MYOM2: variants seen among roughly 807,000 people sequenced by gnomAD.
The protein encoded by MYOM2 is myomesin-2.
Under a neutral mutation model 187.6 loss-of-function variants are expected in MYOM2, and 254 were observed. The observed-to-expected ratio is 1.35, with a 90% CI of 1.22 to 1.50. The LOEUF is 1.50. Among genes scored for constraint, MYOM2 ranks in the 40% most tolerant of loss-of-function variants. MYOM2 has a pLI of 0.00. For missense variants in MYOM2, 2,796 were observed against 1,924.0 expected, an observed-to-expected ratio of 1.45 and a Z score of -8.48; for synonymous variants, 981 against 753.8, an observed-to-expected ratio of 1.30 and a Z score of -4.94.
Position 2,098,850 on chromosome 8 carries a change from T to C in MYOM2, c.2314-7T>C, listed in dbSNP as rs760063523. 2.5e-6 allele frequency: 4 copies of C among 1,606,694 alleles called. No individual in the cohort carries two copies. The South Asian group carries it at 3.3e-5, about 13-fold the overall frequency. ...CTCATGTATTAATTTAAACAAAATC[T>C]GAATAGGTGGACGGCTTGACGGAAG... On this transcript the variant is annotated splice_polypyrimidine_tract_variant and splice_region_variant and intron_variant, in intron 18 of 36. Coordinates refer to ENST00000262113, the MANE Select transcript of MYOM2 (RefSeq NM_003970.4).
chr8:2,102,692 C>G lies in MYOM2; in HGVS notation c.2645C>G (p.Thr882Ser). The change falls in exon 21 of 37, where the codon ACC (threonine) becomes AGC (serine). Residue 882 changes from threonine (T) to serine (S), a missense_variant. Coordinates refer to ENST00000262113, the MANE Select transcript of MYOM2 (RefSeq NM_003970.4). ...LKVSDLQQGK[T>S]YVFRVRAVNA... ...GTCTCTGACCTGCAGCAAGGTAAGA[C>G]CTATGTCTTCAGGGTCCGGGCAGTC... 1.9e-6 allele frequency: 3 copies of G among 1,613,746 alleles called. No homozygotes were observed. Among genetic ancestry groups the G allele is most frequent in the Non-Finnish European group, 2.5e-6 (3 of 1,179,638 alleles).
chr8:2,051,368 G>A (rs1482040593), intron 2 of MYOM2, among the ~76,000 whole-genome samples: 2 of 152,144 alleles, frequency 1.3e-5, no homozygotes, highest in Non-Finnish European at 2.9e-5. Flanking sequence ...TCTTCCGGAA[G>A]CTTCTCGGGG....
At chr8:2,124,807 T>G (rs1797581375) in intron 31 of MYOM2, among the ~76,000 whole-genome samples, 1 of 152,174 alleles carries the variant, frequency 6.6e-6, no homozygotes. Flanking sequence ...AGATGATATC[T>G]CACTGCAGTT....
intron 14 of MYOM2, among the ~76,000 whole-genome samples, chr8:2,086,963 A>G (rs935484483): frequency 7.2e-5 from 11 of 152,238 alleles, no homozygotes; most frequent in Non-Finnish European, 1.6e-4. Flanking sequence ...AATGCATACA[A>G]AGAAATACAA....
intron 13 of MYOM2, among the ~76,000 whole-genome samples, chr8:2,080,799 A>C (rs1249665776): frequency 6.6e-6 from 1 of 152,068 alleles, no homozygotes; most frequent in African/African-American, 2.4e-5. Flanking sequence ...CCCGTGTAGA[A>C]TGAGGTTGGT....
intron 25 of MYOM2, among the ~76,000 whole-genome samples, chr8:2,112,758 A>G (rs1866717): frequency 0.63 from 96,344 of 152,034 alleles, 30,873 homozygotes; most frequent in East Asian, 0.73. Flanking sequence ...AAAGAAGAAC[A>G]TGTGAAAACA....
At chr8:2,060,412 T>C (rs6558592) in intron 6 of MYOM2, among the ~76,000 whole-genome samples, 3,030 of 152,308 alleles carry the variant, frequency 0.02, 113 homozygotes, top group African/African-American at 0.069. Context: ...GTTGTGTTTA[T>C]ATATGTTTAT....
chr8:2,134,079 C>T (rs538478431), intron 32 of MYOM2, among the ~76,000 whole-genome samples: 2 of 148,334 alleles, frequency 1.3e-5, no homozygotes, highest in Admixed American at 6.8e-5. Context: ...CCATCAAAAC[C>T]AGGCGCTGAA....
chr8:2,116,026 G>A lies in MYOM2; in HGVS notation c.3247G>A (p.Glu1083Lys). 1.9e-6 allele frequency: 3 copies of A among 1,614,086 alleles called. No individual in the cohort carries two copies. Among genetic ancestry groups the A allele is most frequent in the Non-Finnish European group, 1.7e-6 (2 of 1,180,016 alleles). ...IEMVMDRFSI[E>K]NEGTYTVQIH... is the part of the protein sequence containing the mutation. ...GATGGTGATGGATCGATTTAGTATT[G>A]AAAATGAGGGGACCTACACTGTGCA... The change falls in exon 26 of 37, where the codon GAA becomes AAA. Residue 1083 changes from glutamate (E) to lysine (K), a missense_variant. Physicochemically the swap from Glu to Lys is moderately conservative, Grantham distance 56. Coordinates refer to ENST00000262113, the MANE Select transcript of MYOM2 (RefSeq NM_003970.4).
intron 15 of MYOM2, 97 bp downstream of exon 15, chr8:2,090,288 T>C: frequency 8.3e-7 from 1 of 1,208,668 alleles, no homozygotes; most frequent in Admixed American, 2.7e-5. Context: ...ATTAATGTTA[T>C]AAACGAGTTG....
Position 2,076,084 on chromosome 8 carries a change from T to G in MYOM2, c.1121-57T>G, listed in dbSNP as rs1324699318. 11 of 1,544,272 alleles carry G rather than the reference T, an allele frequency of 7.1e-6. 1 individual carries two copies. The highest frequency in any genetic ancestry group is 5.4e-5 in the African/African-American group (4 of 73,870). On this transcript the variant is annotated intron_variant, in intron 10 of 36. Transcript: ENST00000262113. ...GCTTGGAGGAGCTGTAAACAGGCTT[T>G]GCAGTGACCCCAGCCTTTAAATGAC...
chr8:2,072,320 G>A (rs79977486), intron 8 of MYOM2, 25 bp from the exon 9 acceptor site: 1 of 1,603,436 alleles, frequency 6.2e-7, no homozygotes, highest in Non-Finnish European at 8.5e-7. Flanking sequence ...CTTCGGCCCT[G>A]AAAGCCTCCA....
chr8:2,086,256 C>CCT lies in MYOM2; in HGVS notation c.1644+867_1644+868insTC, dbSNP rs1554546972. 2.6e-5 allele frequency among the ~76,000 whole-genome samples: 2 copies of CCT among 77,928 alleles called. 1 individual carries two copies. Among genetic ancestry groups the CCT allele is most frequent in the Non-Finnish European group, 6.8e-5 (2 of 29,482 alleles). The allele number at this position is 77,928 out of a possible 152,430, so 51.1% of individuals were successfully genotyped here. ...CCCCACTGTTGTGATCTTTGCGTGG[C>CCT]CCCACTGTCATGATCTCTGGCACCC... On this transcript the variant is annotated intron_variant, in intron 14 of 36. Coordinates refer to ENST00000262113, the MANE Select transcript of MYOM2 (RefSeq NM_003970.4).
chr8:2,121,912 T>A (rs1797472614), intron 28 of MYOM2, among the ~76,000 whole-genome samples: 1 of 152,056 alleles, frequency 6.6e-6, no homozygotes, highest in Non-Finnish European at 1.5e-5. Context: ...TTTTAAAGAG[T>A]TTATGGTAGA....
chr8:2,064,840 G>C (rs889833700), intron 6 of MYOM2, among the ~76,000 whole-genome samples: 1 of 152,116 alleles, frequency 6.6e-6, no homozygotes, highest in African/African-American at 2.4e-5. Flanking sequence ...TCTTAGACAA[G>C]GTTTATCCCC....
rs1423351195 is a variant in MYOM2 at position 2,120,675 on chromosome 8, TTATATTATATATAA to T, written c.3454-2576_3454-2563del. ...GATTTCCTGTATATATATATATATA[TTATATTATATATAA>T]ATATATAATATATATATTTTAATTG... is the stretch of plus-strand genomic sequence containing the variant. On this transcript the variant is annotated intron_variant, in intron 28 of 36. Transcript: ENST00000262113. 1.7e-3 allele frequency among the ~76,000 whole-genome samples: 71 copies of T among 41,382 alleles called. 4 individuals carry two copies. Among genetic ancestry groups the T allele is most frequent in the Middle Eastern group, 0.019 (1 of 52 alleles). The allele number at this position is 41,382 out of a possible 152,430, so 27.1% of individuals were successfully genotyped here.
At chr8:2,051,726 G>A (rs1818495902) in intron 2 of MYOM2, among the ~76,000 whole-genome samples, 1 of 152,256 alleles carries the variant, frequency 6.6e-6, no homozygotes, top group South Asian at 2.1e-4. Context: ...GGTGGCACCA[G>A]CCACAGTGAG....
At chr8:2,143,256 T>C (rs1167761237) in intron 35 of MYOM2, 145 bp from the exon 36 acceptor site, 12 of 910,006 alleles carry the variant, frequency 1.3e-5, no homozygotes, top group Non-Finnish European at 1.8e-5. Context: ...TGTAAACATA[T>C]AAACCTTTTT....
intron 6 of MYOM2, among the ~76,000 whole-genome samples, chr8:2,065,903 C>T (rs575801040): frequency 9.2e-5 from 14 of 152,254 alleles, no homozygotes; most frequent in African/African-American, 2.2e-4. Context: ...CTAAAACACA[C>T]GGAGGAAGAA....
Sources: allele counts gnomAD v4.1 joint callset (sites outside exome capture counted in the v4.1 genomes callset), GRCh38; gene constraint gnomAD v4.1.1; transcripts MANE v1.5; gene names NCBI Gene and HGNC (gene_info 2026-07-23, HGNC 2026-07-21).